MACROD2: variants seen among roughly 807,000 people sequenced by gnomAD.
MACROD2 encodes the protein mono-ADP ribosylhydrolase 2, also known as ADP-ribose glycohydrolase MACROD2.
Under a neutral mutation model 70.4 loss-of-function variants are expected in MACROD2, and 36 were observed. The ratio of observed to expected loss-of-function variants is 0.51; its 90% CI spans 0.39 to 0.68. The LOEUF is 0.68. MACROD2 is among the 30% of genes least tolerant of loss of function. MACROD2 has a pLI of 0.00. For missense variants in MACROD2, 496 were observed against 538.4 expected (o/e 0.92, Z 0.78); for synonymous variants, 172 against 178.8 (o/e 0.96, Z 0.30).
intron 8 of MACROD2, among the ~76,000 whole-genome samples, chr20:15,677,691 C>A (rs1274605281): frequency 5.9e-5 from 1 of 16,964 alleles, no homozygotes; most frequent in African/African-American, 4.5e-4. Context: ...AACCAACCAA[C>A]CAACCAACCA....
Position 15,028,186 on chromosome 20 carries a change from A to T in MACROD2, c.419-201754A>T, listed in dbSNP as rs929484244. 4.6e-5 allele frequency among the ~76,000 whole-genome samples: 7 copies of T among 152,198 alleles called. No homozygotes were observed. The East Asian group carries it at 1.4e-3, about 29-fold the overall frequency. On this transcript the variant is annotated intron_variant, in intron 5 of 17. Transcript: ENST00000684519. The stretch of plus-strand genomic sequence containing the variant: ...TGGAAGATGCCTGGAAAGGCCCTGG[A>T]AGTAGCTTCAAGGCCATTTCGATAG...
intron 5 of MACROD2, among the ~76,000 whole-genome samples, chr20:14,702,613 G>GTA (rs1197960969): frequency 4.3e-5 from 1 of 23,158 alleles, no homozygotes; most frequent in Non-Finnish European, 7.9e-5. Context: ...ATATATATGT[G>GTA]TATATATATA....
At chr20:14,860,691 C>T (rs1443840496) in intron 5 of MACROD2, among the ~76,000 whole-genome samples, 2 of 152,072 alleles carry the variant, frequency 1.3e-5, no homozygotes, top group Non-Finnish European at 2.9e-5. Flanking sequence ...TAAAAGAGGG[C>T]AGCAAAACCC....
chr20:14,155,458 G>A (rs1424032848), intron 3 of MACROD2, among the ~76,000 whole-genome samples: 1 of 152,074 alleles, frequency 6.6e-6, no homozygotes, highest in Non-Finnish European at 1.5e-5. Context: ...GATTATCTGT[G>A]GTATAAGGAA....
intron 3 of MACROD2, among the ~76,000 whole-genome samples, chr20:14,134,619 A>G (rs2054766441): frequency 6.6e-6 from 1 of 152,114 alleles, no homozygotes. Context: ...ATCCTGGCCA[A>G]CATGGTGAAA....
chr20:14,908,374 G>T (rs1470215591), intron 5 of MACROD2, among the ~76,000 whole-genome samples: 1 of 151,598 alleles, frequency 6.6e-6, no homozygotes, highest in Non-Finnish European at 1.5e-5. Flanking sequence ...TGTATTGTCG[G>T]CCACGCATGG....
At chr20:15,574,946 C>T (rs996152537) in intron 8 of MACROD2, among the ~76,000 whole-genome samples, 1 of 152,124 alleles carries the variant, frequency 6.6e-6, no homozygotes, top group Admixed American at 6.6e-5. Flanking sequence ...TATAAATGTT[C>T]CTCTCCTATC....
At chr20:15,163,343 G>C (rs561048579) in intron 5 of MACROD2, among the ~76,000 whole-genome samples, 1 of 152,008 alleles carries the variant, frequency 6.6e-6, no homozygotes, top group East Asian at 1.9e-4. Flanking sequence ...AGATTTGTCA[G>C]AAATACTATT....
At chr20:15,043,091 C>T (rs937680485) in intron 5 of MACROD2, among the ~76,000 whole-genome samples, 4 of 152,092 alleles carry the variant, frequency 2.6e-5, no homozygotes, top group Non-Finnish European at 4.4e-5. Context: ...TCTATGTGGC[C>T]TCTCAGGTCT....
chr20:14,293,964 G>A (rs1191856918), intron 3 of MACROD2, among the ~76,000 whole-genome samples: 2 of 151,720 alleles, frequency 1.3e-5, no homozygotes, highest in Non-Finnish European at 2.9e-5. Flanking sequence ...TGAATATTAG[G>A]TTTGAGTTTT....
chr20:15,671,442 G>A (rs559718902), intron 8 of MACROD2, among the ~76,000 whole-genome samples: 42 of 152,152 alleles, frequency 2.8e-4, no homozygotes, highest in African/African-American at 8.4e-4. Context: ...CGTTTTTATC[G>A]TCTCCCATGG....
At chr20:15,368,385 C>T (rs1028505138) in intron 6 of MACROD2, among the ~76,000 whole-genome samples, 1 of 151,824 alleles carries the variant, frequency 6.6e-6, no homozygotes, top group Non-Finnish European at 1.5e-5. Flanking sequence ...CACTACAACA[C>T]GACAAAAACC....
intron 4 of MACROD2, among the ~76,000 whole-genome samples, chr20:14,599,069 A>G (rs759494742): frequency 6.6e-6 from 1 of 152,196 alleles, no homozygotes; most frequent in Admixed American, 6.5e-5. Flanking sequence ...TGGGTATGTC[A>G]GGGTGAGGCA....
chr20:15,048,107 A>AATAC (rs2075409212), intron 5 of MACROD2, among the ~76,000 whole-genome samples: 1 of 150,348 alleles, frequency 6.7e-6, no homozygotes, highest in Non-Finnish European at 1.5e-5. Flanking sequence ...CTAGTAAATA[A>AATAC]ATAAATAAAT....
At chr20:14,069,622 A>G (rs11905094) in intron 2 of MACROD2, among the ~76,000 whole-genome samples, 31,111 of 148,464 alleles carry the variant, frequency 0.21, 3,596 homozygotes, top group South Asian at 0.28. Context: ...ATAAAAATAT[A>G]TCCCAAATAA....
At chr20:14,118,467 C>T (rs2054541435) in intron 3 of MACROD2, among the ~76,000 whole-genome samples, 1 of 152,176 alleles carries the variant, frequency 6.6e-6, no homozygotes, top group South Asian at 2.1e-4. Context: ...AATACGAATT[C>T]TCCTTTGGAA....
intron 3 of MACROD2, among the ~76,000 whole-genome samples, chr20:14,409,682 C>T (rs1000433728): frequency 1.3e-5 from 2 of 152,148 alleles, no homozygotes; most frequent in Non-Finnish European, 2.9e-5. Flanking sequence ...TGGGCCAAAT[C>T]TCCACCTTAT....
intron 8 of MACROD2, among the ~76,000 whole-genome samples, chr20:15,605,662 C>G (rs927128867): frequency 6.6e-6 from 1 of 152,000 alleles, no homozygotes; most frequent in African/African-American, 2.4e-5. Flanking sequence ...TTGAAAATAC[C>G]TATTTGGAAA....
chr20:15,672,948 G>T (rs997120415), intron 8 of MACROD2, among the ~76,000 whole-genome samples: 1 of 152,114 alleles, frequency 6.6e-6, no homozygotes, highest in Non-Finnish European at 1.5e-5. Context: ...ATAAAGGTGA[G>T]TTCCCTGCAC....
Sources: allele counts gnomAD v4.1 joint callset (sites outside exome capture counted in the v4.1 genomes callset), GRCh38; gene constraint gnomAD v4.1.1; transcripts MANE v1.5; gene names NCBI Gene and HGNC (gene_info 2026-07-23, HGNC 2026-07-21).